ECH1: variants seen among roughly 807,000 people sequenced by gnomAD.
ECH1 encodes enoyl-CoA hydratase 1.
A neutral mutation model predicts 37.0 loss-of-function variants in ECH1; 30 were observed. The observed-to-expected ratio is 0.81, with a 90% CI of 0.61 to 1.10. The LOEUF is 1.10. ECH1 is among the 50% of genes least tolerant of loss of function. ECH1 has a pLI of 0.00. For synonymous variants in ECH1, 178 were observed against 176.0 expected (o/e 1.01, Z -0.09); for missense variants, 456 against 441.6 (o/e 1.03, Z -0.29).
At chr19:38,817,395 G>T (rs763065932) in intron 4 of ECH1, 31 bp from the exon 5 acceptor site, 1 of 1,606,674 alleles carries the variant, frequency 6.2e-7, no homozygotes, top group Non-Finnish European at 8.5e-7. Context: ...TGGGGTCAGG[G>T]CTGGCCCAGG....
At chr19:38,815,821 G>C in intron 9 of ECH1, 36 bp downstream of exon 9, 3 of 1,613,692 alleles carry the variant, frequency 1.9e-6, no homozygotes, top group East Asian at 2.2e-5. Flanking sequence ...CCTGGGGTTA[G>C]AGGAGGGCTG....
At chr19:38,818,582 G>A (rs1971612561) in intron 3 of ECH1, among the ~76,000 whole-genome samples, 3 of 151,878 alleles carry the variant, frequency 2.0e-5, no homozygotes, top group East Asian at 1.9e-4. Flanking sequence ...TCCGCCTCCC[G>A]GTTCAAGTGA....
intron 1 of ECH1, 27 bp downstream of exon 1, chr19:38,831,694 A>T: frequency 6.2e-7 from 1 of 1,613,202 alleles, no homozygotes; most frequent in African/African-American, 1.3e-5. Flanking sequence ...AGCGCGACGC[A>T]CCCCCATAAG....
At chr19:38,821,128 A>G (rs1234490713) in intron 3 of ECH1, among the ~76,000 whole-genome samples, 1 of 152,004 alleles carries the variant, frequency 6.6e-6, no homozygotes, top group African/African-American at 2.4e-5. Flanking sequence ...AAGTGAAAAA[A>G]CTTGCTGTGC....
intron 8 of ECH1, 36 bp from the exon 9 acceptor site, chr19:38,816,043 G>A (rs1448883561): frequency 6.2e-7 from 1 of 1,609,424 alleles, no homozygotes; most frequent in African/African-American, 1.3e-5. Context: ...GGTGGGCTGG[G>A]AAGGGCTCTC....
At chr19:38,827,036 G>A (rs1206245192) in intron 3 of ECH1, among the ~76,000 whole-genome samples, 1 of 147,214 alleles carries the variant, frequency 6.8e-6, no homozygotes, top group Non-Finnish European at 1.5e-5. Flanking sequence ...GGAGGACAGG[G>A]AGGAGAGGGA....
At chr19:38,828,069 G>A (rs1971763930) in intron 3 of ECH1, among the ~76,000 whole-genome samples, 1 of 151,960 alleles carries the variant, frequency 6.6e-6, no homozygotes, top group Admixed American at 6.6e-5. Context: ...AATAAAAACA[G>A]AAAAACCAAA....
intron 8 of ECH1, 120 bp from the exon 9 acceptor site, chr19:38,816,127 T>C (rs1452249737): frequency 1.3e-6 from 2 of 1,498,762 alleles, no homozygotes; most frequent in Non-Finnish European, 1.8e-6. Context: ...AACAGCCCAA[T>C]CAGAGCAGGG....
At chr19:38,823,950 A>T (rs1300238895) in intron 3 of ECH1, among the ~76,000 whole-genome samples, 1 of 152,186 alleles carries the variant, frequency 6.6e-6, no homozygotes. Context: ...TCAGAAAGAC[A>T]TAATTTTTGC....
chr19:38,816,458 G>T lies in ECH1; in HGVS notation c.654C>A (p.Asn218Lys). The change falls in exon 7 of 10, where the codon AAC becomes AAA. Residue 218 changes from asparagine to lysine, a missense_variant. Transcript: ENST00000221418. Reference protein sequence around the residue: ...TLQRLPKVIGNQSLVNELAFT... With the variant: ...TLQRLPKVIGKQSLVNELAFT... ...CCCACACCCCCTGCACCCACCTCTG[G>T]TTCCCGATGACCTTGGGCAGGCGCT... The T allele has an allele frequency of 6.2e-7, 1 of 1,614,158 alleles. No homozygotes were observed. Among genetic ancestry groups the T allele is most frequent in the South Asian group, 1.1e-5 (1 of 91,068 alleles).
chr19:38,818,142 G>A lies in ECH1; in HGVS notation c.350-567C>T, dbSNP rs903037977. On this transcript the variant is annotated intron_variant, in intron 3 of 9. Transcript: ENST00000221418. ...CAAAGCACTGGGATTACACGTGTGA[G>A]CCACCATGCCGCATCAGAAGTAGGA... 18 of 845,298 alleles carry A rather than the reference G, an allele frequency of 2.1e-5. No individual in the cohort carries two copies. The African/African-American group carries it at 3.3e-4, about 16-fold the overall frequency. 52.4% of individuals were successfully genotyped at this position (845,298 alleles called of 1,614,324 possible). A position where few individuals can be genotyped will look rare whatever the true frequency, so the allele number is the denominator to read the frequency against.
At chr19:38,820,045 C>G (rs1971638694) in intron 3 of ECH1, 2 of 636,030 alleles carry the variant, frequency 3.1e-6, no homozygotes, top group Non-Finnish European at 3.9e-6. Context: ...AGGCCAAAGT[C>G]CCCCTTACTT....
Position 38,831,332 on chromosome 19 carries a change from A to C in ECH1, c.237T>G (p.Asn79Lys), listed in dbSNP as rs1024881448. ...ACCTCCAGAAGACCTTGTTCATGGC[A>C]TTCCTCTTGTTGGGCCGGTTGAGCT... ...HVQLNRPNKR[N>K]AMNKVFWREM... Residue 79 changes from asparagine (N) to lysine (K), a missense_variant, in exon 2 of 10, where the codon AAT becomes AAG. Physicochemically the swap from Asn to Lys is moderately conservative, Grantham distance 94. Coordinates refer to ENST00000221418, the MANE Select transcript of ECH1 (RefSeq NM_001398.3). 2.5e-6 allele frequency: 4 copies of C among 1,612,670 alleles called. No individual in the cohort carries two copies. Among genetic ancestry groups the C allele is most frequent in the Non-Finnish European group, 2.5e-6 (3 of 1,179,004 alleles).
At chr19:38,815,751 A>C (rs751445868) in intron 9 of ECH1, 34 bp from the exon 10 acceptor site, 3 of 1,613,892 alleles carry the variant, frequency 1.9e-6, no homozygotes, top group East Asian at 2.2e-5. Flanking sequence ...GAACGAGGAG[A>C]GAGATTAGCA....
chr19:38,815,770 T>C (rs1971563962), intron 9 of ECH1, 53 bp from the exon 10 acceptor site: 1 of 1,613,622 alleles, frequency 6.2e-7, no homozygotes, highest in African/African-American at 1.3e-5. Context: ...CAGGGGCCAA[T>C]CAGGATAAAG....
In ECH1 at chr19:38,816,222, A is replaced by C. The variant is rs536170011; in HGVS notation, c.731+62T>G. 53 of 1,586,724 alleles carry C rather than the reference A, an allele frequency of 3.3e-5. No homozygotes were observed. The South Asian group carries it at 5.9e-4, about 18-fold the overall frequency. On this transcript the variant is annotated intron_variant, in intron 8 of 9. Transcript: ENST00000221418. Reference sequence around the variant, plus strand: ...AGCGAGGAGACAAGGGGACCCGGAGAGGCCTCCAACCCTCCAGGCCTGGCT... The same window carrying C: ...AGCGAGGAGACAAGGGGACCCGGAGCGGCCTCCAACCCTCCAGGCCTGGCT...
At chr19:38,819,008 T>TGTGTGTGTGTGTGTGTGTGTGTGCGC (rs371773394) in intron 3 of ECH1, 1 of 324,272 alleles carries the variant, frequency 3.1e-6, no homozygotes, top group African/African-American at 2.4e-5. Context: ...TGTGTGTGTG[T>TGTGTGTGTGTGTGTGTGTGTGTGCGC]GCGGGCACGT....
At chr19:38,817,682 A>C in intron 3 of ECH1, 107 bp from the exon 4 acceptor site, 19 of 1,436,054 alleles carry the variant, frequency 1.3e-5, no homozygotes, top group Admixed American at 2.9e-5. Flanking sequence ...CAAACCACCA[A>C]GGCGGAAAAA....
rs1322791301 is a variant in ECH1 at position 38,817,347 on chromosome 19, A to G, written c.492T>C (p.Ile164=). 4 of 1,586,376 alleles carry G rather than the reference A, an allele frequency of 2.5e-6. No individual in the cohort carries two copies. The African/African-American group carries it at 5.4e-5, about 21-fold the overall frequency. ...NVIERCPKPV[I]AAVHGGCIGG... ...CAATGCAGCCCCCATGGACGGCAGC[A>G]ATCACGGGCTTGGGGCACTGAGAGG... The change falls in exon 5 of 10, where the codon ATT becomes ATC. Residue 164 remains isoleucine, a synonymous_variant. Transcript: ENST00000221418.
Sources: gnomAD v4.1 joint callset for allele counts (sites outside exome capture counted in the v4.1 genomes callset) on GRCh38, gnomAD v4.1.1 for gene constraint, MANE v1.5 for transcripts, NCBI Gene and HGNC (gene_info 2026-07-23, HGNC 2026-07-21) for gene names.